CSTF1: variants seen among roughly 807,000 people sequenced by gnomAD.
CSTF1 encodes cleavage stimulation factor subunit 1, also known as CF-1 50 kDa subunit.
CSTF1 carries 2 observed loss-of-function variants against 40.9 expected under a neutral mutation model. That is an observed-to-expected ratio of 0.05 (90% CI 0.02 to 0.15). The LOEUF is 0.15. Among genes scored for constraint, CSTF1 ranks in the 10% least tolerant of loss-of-function variants. The pLI, the probability that CSTF1 is intolerant of heterozygous loss-of-function variation, is 1.00. For missense variants in CSTF1, 279 were observed against 558.9 expected, an observed-to-expected ratio of 0.50 and a Z score of 5.05; for synonymous variants, 218 against 207.2, an observed-to-expected ratio of 1.05 and a Z score of -0.45.
chr20:56,403,890 T>C lies in CSTF1; in HGVS notation c.*163T>C, dbSNP rs1978587612. 1 of 711,628 alleles carries C rather than the reference T, an allele frequency of 1.4e-6. No homozygotes were observed. Among genetic ancestry groups the C allele is most frequent in the Non-Finnish European group, 2.3e-6 (1 of 436,284 alleles). The allele number at this position is 711,628 out of a possible 1,614,324, so 44.1% of individuals were successfully genotyped here. A position where few individuals can be genotyped will look rare whatever the true frequency, so the allele number is the denominator to read the frequency against. On this transcript the variant is annotated 3_prime_UTR_variant, in exon 6 of 6. Transcript: ENST00000217109. ...AAAAGAATCTTTTTTTACCTTGATGTAGAATCATGGTGGAAAAAGTTGGAA... is the reference window on the plus strand; with the variant it reads ...AAAAGAATCTTTTTTTACCTTGATGCAGAATCATGGTGGAAAAAGTTGGAA...
chr20:56,404,059 A>G lies in CSTF1; in HGVS notation c.*332A>G, dbSNP rs989016548. 9.2e-6 allele frequency: 2 copies of G among 217,762 alleles called. No individual in the cohort carries two copies. The highest frequency in any genetic ancestry group is 1.0e-4 in the Admixed American group (2 of 19,508). 13.5% of individuals were successfully genotyped at this position (217,762 alleles called of 1,614,324 possible). On this transcript the variant is annotated 3_prime_UTR_variant, in exon 6 of 6. Coordinates refer to ENST00000217109, the MANE Select transcript of CSTF1 (RefSeq NM_001324.3). ...AGTGCTTTTGACATGAGGAATTTTC[A>G]TTTGGTTCTTCTGTCAACTTTCTTG...
chr20:56,394,094 T>C (rs1200672289), intron 1 of CSTF1, among the ~76,000 whole-genome samples: 1 of 152,184 alleles, frequency 6.6e-6, no homozygotes, highest in Non-Finnish European at 1.5e-5. Flanking sequence ...TCATCATCTT[T>C]ATTTGTGTCC....
At position 56,397,855 on chromosome 20, in the gene CSTF1, GA is replaced by G; in HGVS notation, c.645+17del. 6.3e-7 allele frequency: 1 copy of G among 1,583,468 alleles called. No individual in the cohort carries two copies. The highest frequency in any genetic ancestry group is 2.2e-5 in the East Asian group (1 of 44,744). On this transcript the variant is annotated intron_variant, in intron 4 of 5. Coordinates refer to ENST00000217109, the MANE Select transcript of CSTF1 (RefSeq NM_001324.3). The surrounding 1 kb of genome is among the most constrained non-coding windows in gnomAD (Gnocchi z 4.4). ...AAATACATTCAGGTAGGAATCTTTA[GA>G]AAGGAGCTTTACATTTTTTCTTAAA...
rs963445135 is a variant in CSTF1 at position 56,405,770 on chromosome 20, T to C, written c.*2043T>C. On this transcript the variant is annotated 3_prime_UTR_variant, in exon 6 of 6. Transcript: ENST00000217109. Reference sequence around the variant, plus strand: ...TCTGTGGGTGCTACTCTCGTAAGACTAAAAGGCACCTACTAAATACGAACA... The same window carrying C: ...TCTGTGGGTGCTACTCTCGTAAGACCAAAAGGCACCTACTAAATACGAACA... The C allele has an allele frequency of 2.0e-5, 3 of 152,246 alleles. No individual in the cohort carries two copies. Among genetic ancestry groups the C allele is most frequent in the African/African-American group, 7.2e-5 (3 of 41,470 alleles). The allele number at this position is 152,246 out of a possible 1,614,324, so 9.4% of individuals were successfully genotyped here. A position where few individuals can be genotyped will look rare whatever the true frequency, so the allele number is the denominator to read the frequency against.
At chr20:56,401,594 C>T (rs1978455319) in intron 5 of CSTF1, among the ~76,000 whole-genome samples, 2 of 152,054 alleles carry the variant, frequency 1.3e-5, no homozygotes, top group African/African-American at 4.8e-5. Flanking sequence ...ATGCACATGC[C>T]CATAAAAGGA....
At chr20:56,396,346 T>C (rs1243197710) in intron 2 of CSTF1, among the ~76,000 whole-genome samples, 2 of 152,246 alleles carry the variant, frequency 1.3e-5, no homozygotes, top group Non-Finnish European at 2.9e-5. Flanking sequence ...ATTGTGAGCA[T>C]TTCTCCTGGG....
Position 56,397,887 on chromosome 20 carries a change from T to C in CSTF1, c.645+46T>C, listed in dbSNP as rs763616564. Reference sequence around the variant, plus strand: ...GCTTTACATTTTTTCTTAAATACAATGAGCTATTGTACAACTATTCTCTTT... The same window carrying C: ...GCTTTACATTTTTTCTTAAATACAACGAGCTATTGTACAACTATTCTCTTT... On this transcript the variant is annotated intron_variant, in intron 4 of 5. Transcript: ENST00000217109. This position sits in a 1 kb window ranked among gnomAD's most constrained non-coding sequence, Gnocchi z 4.4. 1.4e-6 allele frequency: 2 copies of C among 1,409,564 alleles called. No homozygotes were observed. Among genetic ancestry groups the C allele is most frequent in the Middle Eastern group, 1.9e-4 (1 of 5,390 alleles). 87.3% of individuals were successfully genotyped at this position (1,409,564 alleles called of 1,614,324 possible).
At position 56,395,585 on chromosome 20, in the gene CSTF1, C is replaced by T. The variant is rs199545643; in HGVS notation, c.33C>T (p.Arg11=). Residue 11 remains arginine (R), a synonymous_variant, in exon 2 of 6, where the codon CGC becomes CGT. Coordinates refer to ENST00000217109, the MANE Select transcript of CSTF1 (RefSeq NM_001324.3). MYRTKVGLKD[R]QQLYKLIISQ... Reference sequence around the variant, plus strand: ...GAACCAAAGTGGGCTTGAAGGACCGCCAGCAGCTCTACAAGCTGATCATTA... The same window carrying T: ...GAACCAAAGTGGGCTTGAAGGACCGTCAGCAGCTCTACAAGCTGATCATTA... The T allele has an allele frequency of 1.7e-5, 27 of 1,614,158 alleles. No individual in the cohort carries two copies. Among genetic ancestry groups the T allele is most frequent in the Admixed American group, 5.0e-5 (3 of 60,002 alleles).
At chr20:56,398,861 A>G (rs1978337072) in intron 4 of CSTF1, 106 bp from the exon 5 acceptor site, 6 of 1,095,870 alleles carry the variant, frequency 5.5e-6, no homozygotes, top group Non-Finnish European at 7.8e-6. Flanking sequence ...GTAATATCTA[A>G]TAATTGTTTT....
rs145508914 is a variant in CSTF1, at chr20:56,397,063, G to A, written c.170-144G>A. 11,768 of 829,516 alleles carry A rather than the reference G, an allele frequency of 0.014. 138 individuals carry two copies. The highest frequency in any genetic ancestry group is 0.032 in the South Asian group (1,780 of 55,980). The allele number at this position is 829,516 out of a possible 1,614,324, so 51.4% of individuals were successfully genotyped here. On this transcript the variant is annotated intron_variant, in intron 2 of 5. Transcript: ENST00000217109. The surrounding 1 kb of genome is among the most constrained non-coding windows in gnomAD (Gnocchi z 4.4). ...TAGCATGGGCAAAATACACAGTTTT[G>A]TAAAGTGTTAGGTGTCACGCGGCTC...
At position 56,395,782 on chromosome 20, in the gene CSTF1, A is replaced by T. The variant is rs34087288; in HGVS notation, c.169+61A>T. ...AAGGTTTTAGATATTTTCATATGGC[A>T]GAATTTTTCAAGATTATTCTTGTTT... On this transcript the variant is annotated intron_variant, in intron 2 of 5. Transcript: ENST00000217109. The T allele has an allele frequency of 1.6e-4, 252 of 1,559,624 alleles. No homozygotes were observed. In the South Asian group the frequency reaches 2.3e-3, roughly 14 times the overall value.
intron 5 of CSTF1, among the ~76,000 whole-genome samples, chr20:56,400,870 C>G (rs933621128): frequency 6.6e-6 from 1 of 152,078 alleles, no homozygotes; most frequent in Non-Finnish European, 1.5e-5. Flanking sequence ...GAAACCCCGT[C>G]TCTATGAAAA....
intron 5 of CSTF1, among the ~76,000 whole-genome samples, chr20:56,401,046 GATA>G (rs990918637): frequency 1.3e-5 from 2 of 151,850 alleles, no homozygotes; most frequent in African/African-American, 2.4e-5. Context: ...CTCAAAAAAT[GATA>G]ATAATAATAA....
chr20:56,398,849 G>C, intron 4 of CSTF1, 118 bp from the exon 5 acceptor site: 1 of 963,798 alleles, frequency 1.0e-6, no homozygotes, highest in Non-Finnish European at 1.5e-6. Flanking sequence ...TATGATACCT[G>C]TGTAATATCT....
intron 2 of CSTF1, 152 bp downstream of exon 2, chr20:56,395,873 T>C (rs1987504257): frequency 1.3e-6 from 1 of 765,218 alleles, no homozygotes; most frequent in Non-Finnish European, 2.1e-6. Context: ...GTTCAGGAAG[T>C]AGCTCAGTAA....
intron 5 of CSTF1, among the ~76,000 whole-genome samples, chr20:56,400,395 AC>A (rs919244879): frequency 1.1e-4 from 16 of 152,210 alleles, no homozygotes; most frequent in Non-Finnish European, 4.4e-5. Flanking sequence ...ATAAAGAACT[AC>A]TTTATAATAG....
In CSTF1 at chr20:56,400,565, G is replaced by C. The variant is rs6014717; in HGVS notation, c.1036+1208G>C. 2.2e-3 allele frequency among the ~76,000 whole-genome samples: 328 copies of C among 152,214 alleles called. 1 individual carries two copies. The highest frequency in any genetic ancestry group is 7.7e-3 in the African/African-American group (318 of 41,538). ...TATATATTTGCTCTAGGAATGTTTT[G>C]GGTGTTTTATAATAGTATGAGGTTG... On this transcript the variant is annotated intron_variant, in intron 5 of 5. Transcript: ENST00000217109.
Position 56,403,495 on chromosome 20 carries a change from A to G in CSTF1, c.1064A>G (p.His355Arg). The G allele has an allele frequency of 6.2e-7, 1 of 1,614,020 alleles. No homozygotes were observed. Among genetic ancestry groups the G allele is most frequent in the Non-Finnish European group, 8.5e-7 (1 of 1,179,994 alleles). ...GCGGGTTTAAGTGGACGCCAGGTGC[A>G]CCGGACACAGGCTGTGTTTAACCAC... ...TGAGLSGRQV[H>R]RTQAVFNHTE... is the part of the protein sequence containing the mutation. Residue 355 changes from histidine (H) to arginine (R), a missense_variant, in exon 6 of 6, where the codon CAC (histidine) becomes CGC (arginine). Around this residue, in one of 4 missense-constraint regions of CSTF1, gnomAD observed 162 missense variants for 337.1 expected, o/e 0.48. Coordinates refer to ENST00000217109, the MANE Select transcript of CSTF1 (RefSeq NM_001324.3).
At chr20:56,393,188 G>GTGTGTA (rs1555858130) in intron 1 of CSTF1, among the ~76,000 whole-genome samples, 2 of 150,748 alleles carry the variant, frequency 1.3e-5, no homozygotes, top group Non-Finnish European at 3.0e-5. Context: ...GTGTGTGTGT[G>GTGTGTA]TATGTACACC....
Sources: allele counts gnomAD v4.1 joint callset (sites outside exome capture counted in the v4.1 genomes callset), GRCh38; gene constraint gnomAD v4.1.1; regional missense constraint gnomAD v4.1.1; non-coding constraint Gnocchi (gnomAD v3.1); transcripts MANE v1.5; gene names NCBI Gene and HGNC (gene_info 2026-07-23, HGNC 2026-07-21).